CSMD1: variants seen among roughly 807,000 people sequenced by gnomAD.
The protein encoded by CSMD1 is CUB and sushi domain-containing protein 1.
Under a neutral mutation model 417.5 loss-of-function variants are expected in CSMD1, and 213 were observed. That is an observed-to-expected ratio of 0.51 (90% CI 0.46 to 0.57). CSMD1 has a LOEUF of 0.57. Among genes scored for constraint, CSMD1 ranks in the 20% least tolerant of loss-of-function variants. The probability of loss-of-function intolerance (pLI) is 0.00; values close to 1 mark genes in which losing one functional copy is unlikely to be tolerated. For synonymous variants in CSMD1, 2,862 were observed against 1,736.8 expected (o/e 1.65, Z -16.11); for missense variants, 6,923 against 4,529.7 (o/e 1.53, Z -15.17).
intron 6 of CSMD1, among the ~76,000 whole-genome samples, chr8:3,727,165 A>C (rs915389885): frequency 3.9e-5 from 6 of 152,196 alleles, no homozygotes; most frequent in Non-Finnish European, 8.8e-5. Context: ...TCATTTTAAA[A>C]CCATACTTAG....
chr8:3,639,196 T>A (rs546328376), intron 7 of CSMD1, among the ~76,000 whole-genome samples: 1 of 152,210 alleles, frequency 6.6e-6, no homozygotes, highest in Non-Finnish European at 1.5e-5. Context: ...AGTCAGAAAG[T>A]AAAGACACAG....
At chr8:4,033,036 G>T (rs976403767) in intron 3 of CSMD1, among the ~76,000 whole-genome samples, 2 of 144,946 alleles carry the variant, frequency 1.4e-5, no homozygotes, top group African/African-American at 2.6e-5. Flanking sequence ...AAAAACATTG[G>T]TCTCTTCAAT....
chr8:3,902,013 T>A (rs1034678406), intron 5 of CSMD1, among the ~76,000 whole-genome samples: 23 of 152,180 alleles, frequency 1.5e-4, no homozygotes, highest in African/African-American at 5.1e-4. Context: ...TTCCTCTTAC[T>A]CTATTCCATT....
intron 7 of CSMD1, among the ~76,000 whole-genome samples, chr8:3,703,205 C>G (rs1414538613): frequency 1.3e-5 from 2 of 152,158 alleles, no homozygotes; most frequent in African/African-American, 2.4e-5. Context: ...CCTCACCGCA[C>G]AGAAGAGTTG....
chr8:3,286,290 T>C (rs62503414), intron 25 of CSMD1, among the ~76,000 whole-genome samples: 20,332 of 152,170 alleles, frequency 0.13, 1,408 homozygotes, highest in Middle Eastern at 0.19. Context: ...TAAACATACG[T>C]GTGCATGTGT....
chr8:3,417,097 T>C (rs1314502206), intron 12 of CSMD1, among the ~76,000 whole-genome samples: 1 of 152,198 alleles, frequency 6.6e-6, no homozygotes. Flanking sequence ...ACCAAATTTA[T>C]TCTGGATGGG....
rs546214316 is a variant in CSMD1, at chr8:3,479,774, C to A, written c.1449-10950G>T. ...GAATGATGAAAGACAATCAACCAAC[C>A]CCAACAGAAATGAATCAGAGGGTGG... On this transcript the variant is annotated intron_variant, in intron 11 of 69. Transcript: ENST00000635120. Among the ~76,000 whole-genome samples, 12 of 151,562 alleles carry A rather than the reference C, an allele frequency of 7.9e-5. No individual in the cohort carries two copies. The East Asian group carries it at 2.3e-3, about 29-fold the overall frequency.
Position 3,443,778 on chromosome 8 carries a change from T to C in CSMD1, c.1561+24934A>G, listed in dbSNP as rs534283253. Among the ~76,000 whole-genome samples the C allele has an allele frequency of 4.3e-4, 66 of 152,296 alleles. 2 individuals carry two copies. The highest frequency in any genetic ancestry group is 3.4e-3 in the Middle Eastern group (1 of 294). ...AGGACCTTGAAATACAGTAATTTGA[T>C]TGGGAGACATGAAGTGTAAACATGA... On this transcript the variant is annotated intron_variant, in intron 12 of 69. Coordinates refer to ENST00000635120, the MANE Select transcript of CSMD1 (RefSeq NM_033225.6).
chr8:4,942,208 A>T (rs770060928), intron 1 of CSMD1, among the ~76,000 whole-genome samples: 1 of 152,108 alleles, frequency 6.6e-6, no homozygotes, highest in African/African-American at 2.4e-5. Flanking sequence ...CAACACACAG[A>T]CACATATAAA....
At chr8:3,853,891 A>AAATATATAAG (rs1563147014) in intron 5 of CSMD1, among the ~76,000 whole-genome samples, 1 of 144,926 alleles carries the variant, frequency 6.9e-6, no homozygotes, top group African/African-American at 2.5e-5. Flanking sequence ...TTAATATATT[A>AAATATATAAG]TACTTTAATA....
chr8:3,984,350 C>T (rs1342496914), intron 5 of CSMD1, among the ~76,000 whole-genome samples: 1 of 152,086 alleles, frequency 6.6e-6, no homozygotes, highest in Non-Finnish European at 1.5e-5. Flanking sequence ...AAAATGCTGA[C>T]GACAGATCAT....
intron 3 of CSMD1, among the ~76,000 whole-genome samples, chr8:4,051,415 A>G (rs1798418450): frequency 6.6e-6 from 1 of 152,152 alleles, no homozygotes; most frequent in South Asian, 2.1e-4. Flanking sequence ...ATGTAGTTAA[A>G]TCAGACCGCA....
chr8:3,242,014 T>G (rs144283029), intron 26 of CSMD1, among the ~76,000 whole-genome samples: 19,022 of 42,624 alleles, frequency 0.45, 5,683 homozygotes, highest in Non-Finnish European at 0.58. Flanking sequence ...CGTCTCAGGT[T>G]TGCTGCCAAA....
At chr8:4,694,476 C>G (rs1173075377) in intron 1 of CSMD1, among the ~76,000 whole-genome samples, 1 of 152,050 alleles carries the variant, frequency 6.6e-6, no homozygotes, top group African/African-American at 2.4e-5. Context: ...CTCAGCCTTC[C>G]AAGTAGCTGG....
chr8:4,160,098 A>C (rs1164950897), intron 3 of CSMD1, among the ~76,000 whole-genome samples: 1 of 46,638 alleles, frequency 2.1e-5, no homozygotes, highest in Non-Finnish European at 4.2e-5. Flanking sequence ...AAAAAAAAAG[A>C]AAAAGCACTG....
chr8:3,013,873 A>T (rs1465706811), intron 52 of CSMD1, among the ~76,000 whole-genome samples: 1 of 152,138 alleles, frequency 6.6e-6, no homozygotes, highest in Non-Finnish European at 1.5e-5. Context: ...ATGATTCTGG[A>T]TATGGGATTC....
At chr8:3,251,934 A>C (rs1183841134) in intron 26 of CSMD1, among the ~76,000 whole-genome samples, 1 of 152,210 alleles carries the variant, frequency 6.6e-6, no homozygotes, top group Admixed American at 6.5e-5. Flanking sequence ...GACTTTGCTG[A>C]AGTTGCTTAT....
chr8:4,098,892 C>G (rs949142569), intron 3 of CSMD1, among the ~76,000 whole-genome samples: 2 of 152,146 alleles, frequency 1.3e-5, no homozygotes, highest in Non-Finnish European at 2.9e-5. Context: ...CACTGAGGAC[C>G]AACTGTGGGT....
chr8:4,021,869 C>T (rs984434880), intron 4 of CSMD1, among the ~76,000 whole-genome samples: 1 of 152,070 alleles, frequency 6.6e-6, no homozygotes, highest in East Asian at 1.9e-4. Flanking sequence ...ATAGTGCCAT[C>T]CCCCTCTCTA....
Sources: gnomAD v4.1 joint callset for allele counts (sites outside exome capture counted in the v4.1 genomes callset) on GRCh38, gnomAD v4.1.1 for gene constraint, MANE v1.5 for transcripts, NCBI Gene and HGNC (gene_info 2026-07-23, HGNC 2026-07-21) for gene names.